Variants in ARHGEF26 observed in about 807,000 individuals in gnomAD.
The protein encoded by ARHGEF26 is Rho guanine nucleotide exchange factor 26, also known as Rho guanine nucleotide exchange factor (GEF) 26.
ARHGEF26 carries 59 observed loss-of-function variants against 89.4 expected under a neutral mutation model. That is an observed-to-expected ratio of 0.66 (90% CI 0.54 to 0.82). The LOEUF (loss-of-function observed/expected upper bound fraction) is 0.82. Among genes scored for constraint, ARHGEF26 ranks in the 40% least tolerant of loss-of-function variants. ARHGEF26 has a pLI of 0.00. For synonymous variants in ARHGEF26, 500 were observed against 428.4 expected (o/e 1.17, Z -2.06); for missense variants, 1,234 against 1,085.6 (o/e 1.14, Z -1.92).
chr3:154,189,191 C>T (rs1036594689), intron 7 of ARHGEF26, among the ~76,000 whole-genome samples: 1 of 152,040 alleles, frequency 6.6e-6, no homozygotes, highest in Non-Finnish European at 1.5e-5. Context: ...TTTTGTTTTG[C>T]AGGATTTAAA....
rs776030783 is a variant in ARHGEF26, at chr3:154,152,789, A to C, written c.1344A>C (p.Ile448=). The change falls in exon 6 of 15, where the codon ATA becomes ATC. Residue 448 remains isoleucine, a synonymous_variant. Transcript: ENST00000465093. ...RKRQEAIFEV[I]SSEHSYLLSL... is the part of the protein sequence containing the mutation. ...CTTACCAGGCTATCTTTGAAGTCAT[A>C]TCCTCTGAACATTCATATTTACTCA... 9.2e-6 allele frequency: 14 copies of C among 1,529,832 alleles called. No individual in the cohort carries two copies. The East Asian group carries it at 3.4e-4, about 37-fold the overall frequency. 94.8% of individuals were successfully genotyped at this position (1,529,832 alleles called of 1,614,324 possible). A position where few individuals can be genotyped will look rare whatever the true frequency, so the allele number is the denominator to read the frequency against.
chr3:154,159,882 T>C (rs1711557249), intron 6 of ARHGEF26, among the ~76,000 whole-genome samples: 1 of 152,134 alleles, frequency 6.6e-6, no homozygotes, highest in Non-Finnish European at 1.5e-5. Context: ...CCAGAGAATA[T>C]GGAACATTTT....
Position 154,199,281 on chromosome 3 carries a change from A to T in ARHGEF26, c.1845+4563A>T, listed in dbSNP as rs183140358. Among the ~76,000 whole-genome samples the T allele has an allele frequency of 6.6e-5, 10 of 152,134 alleles. No homozygotes were observed. In the East Asian group the frequency reaches 1.9e-3, roughly 29 times the overall value. ...ATGTCCATGAGTTCATTTTTAAAAA[A>T]AATTTTTAAATCCCAAAAATGAGAA... On this transcript the variant is annotated intron_variant, in intron 9 of 14. Transcript: ENST00000465093.
chr3:154,180,781 A>G (rs1273910153), intron 6 of ARHGEF26, among the ~76,000 whole-genome samples: 1 of 151,776 alleles, frequency 6.6e-6, no homozygotes, highest in African/African-American at 2.4e-5. Context: ...ATGAGAAGAC[A>G]TATAGTCTGC....
In ARHGEF26 at chr3:154,217,896, C is replaced by T. The variant is rs766974682; in HGVS notation, c.1873C>T (p.Arg625Trp). ...GGTTCGACTATGCAATGAGGGCGCC[C>T]GGAAGATGGAAAGGACTGAGATGAT... is the stretch of plus-strand genomic sequence containing the variant. ...KLVRLCNEGA[R>W]KMERTEMMYT... The change falls in exon 10 of 15, where the codon CGG (arginine) becomes TGG (tryptophan). Residue 625 changes from arginine (R) to tryptophan (W), a missense_variant. By Grantham distance (101) the Arg-to-Trp change is moderately radical. Coordinates refer to ENST00000465093, the MANE Select transcript of ARHGEF26 (RefSeq NM_015595.4). The T allele has an allele frequency of 1.1e-5, 17 of 1,602,492 alleles. No homozygotes were observed. The highest frequency in any genetic ancestry group is 1.4e-5 in the Non-Finnish European group (16 of 1,174,354).
intron 4 of ARHGEF26, 24 bp from the exon 5 acceptor site, chr3:154,149,365 A>G (rs747118001): frequency 6.9e-6 from 11 of 1,586,560 alleles, no homozygotes; most frequent in East Asian, 6.8e-5. Context: ...AAATGAGTCA[A>G]CTCTACTTTG....
At chr3:154,168,685 T>G (rs982132282) in intron 6 of ARHGEF26, among the ~76,000 whole-genome samples, 1 of 152,230 alleles carries the variant, frequency 6.6e-6, no homozygotes, top group Admixed American at 6.5e-5. Context: ...ACCCTTCACC[T>G]TCTGTTGATG....
rs1412284743 is a variant in ARHGEF26 at position 154,257,105 on chromosome 3, T to C, written c.*1632T>C. On this transcript the variant is annotated 3_prime_UTR_variant, in exon 15 of 15. Transcript: ENST00000465093. ...AAATTGTAAAGCTACAGAAGCCCAG[T>C]TGAGGGGTAAGTGTGCCTGGCTCAC... is the stretch of plus-strand genomic sequence containing the variant. 2.5e-5 allele frequency: 30 copies of C among 1,192,058 alleles called. No homozygotes were observed. The highest frequency in any genetic ancestry group is 4.7e-5 in the African/African-American group (3 of 64,004). The allele number at this position is 1,192,058 out of a possible 1,614,324, so 73.8% of individuals were successfully genotyped here.
rs753764468 is a variant in ARHGEF26, at chr3:154,253,123, C to G, written c.2308C>G (p.Arg770Gly). ...ATCTGCCCTCTGTTTTAGGAGCGAGCGAGCCCGCTGGATAACTGCCCTGGG... is the reference window on the plus strand; with the variant it reads ...ATCTGCCCTCTGTTTTAGGAGCGAGGGAGCCCGCTGGATAACTGCCCTGGG... ...MLLGAETQSE[R>G]ARWITALGHS... The change falls in exon 13 of 15, where the codon CGA becomes GGA. Residue 770 changes from arginine to glycine, a missense_variant. Arg to Gly is a moderately radical substitution (Grantham distance 125). Coordinates refer to ENST00000465093, the MANE Select transcript of ARHGEF26 (RefSeq NM_015595.4). 1.9e-6 allele frequency: 3 copies of G among 1,613,916 alleles called. No individual in the cohort carries two copies. The highest frequency in any genetic ancestry group is 2.5e-6 in the Non-Finnish European group (3 of 1,179,842).
intron 7 of ARHGEF26, among the ~76,000 whole-genome samples, chr3:154,188,314 GTAGT>G (rs2108179398): frequency 6.6e-6 from 1 of 152,292 alleles, no homozygotes; most frequent in South Asian, 2.1e-4. Context: ...CCCCACTTGG[GTAGT>G]TAGAGTTGAA....
intron 6 of ARHGEF26, among the ~76,000 whole-genome samples, chr3:154,183,768 G>A (rs1217246601): frequency 6.6e-6 from 1 of 152,042 alleles, no homozygotes; most frequent in Non-Finnish European, 1.5e-5. Context: ...TTTTAATATC[G>A]TACTTTGGCA....
At position 154,255,924 on chromosome 3, in the gene ARHGEF26, CCTTT is replaced by C. The variant is rs1443221066; in HGVS notation, c.*452_*455del. ...GTCCAGTTTTGTAAATATTTCCCTG[CCTTT>C]TTTTTTCTTTTTTTACATCTGATTT... On this transcript the variant is annotated 3_prime_UTR_variant, in exon 15 of 15. Transcript: ENST00000465093. 16 of 987,338 alleles carry C rather than the reference CCTTT, an allele frequency of 1.6e-5. No individual in the cohort carries two copies. Among genetic ancestry groups the C allele is most frequent in the Non-Finnish European group, 1.8e-5 (15 of 831,270 alleles). 61.2% of individuals were successfully genotyped at this position (987,338 alleles called of 1,614,324 possible).
chr3:154,226,252 A>G (rs1198759839), intron 11 of ARHGEF26, among the ~76,000 whole-genome samples: 6 of 152,194 alleles, frequency 3.9e-5, no homozygotes. Flanking sequence ...AGCATTTTAC[A>G]CATTTATATC....
chr3:154,237,371 G>T lies in ARHGEF26; in HGVS notation c.2091-2999G>T, dbSNP rs1717179695. 2.6e-5 allele frequency among the ~76,000 whole-genome samples: 4 copies of T among 151,998 alleles called. No individual in the cohort carries two copies. In the South Asian group the frequency reaches 8.3e-4, roughly 32 times the overall value. On this transcript the variant is annotated intron_variant, in intron 11 of 14. Transcript: ENST00000465093. ...AGCATGGCCAACATGGTGAAACCCTGTCTCTACTAAAAATACAAAAATTAA... is the reference window on the plus strand; with the variant it reads ...AGCATGGCCAACATGGTGAAACCCTTTCTCTACTAAAAATACAAAAATTAA...
chr3:154,141,551 A>C (rs1332733276), intron 4 of ARHGEF26, among the ~76,000 whole-genome samples: 2 of 152,194 alleles, frequency 1.3e-5, no homozygotes, highest in Non-Finnish European at 2.9e-5. Context: ...GGTCCATGGA[A>C]GTGTTAAACG....
intron 9 of ARHGEF26, among the ~76,000 whole-genome samples, chr3:154,200,081 A>C (rs528267839): frequency 1.3e-5 from 2 of 151,868 alleles, no homozygotes; most frequent in East Asian, 3.9e-4. Context: ...CCATTTGTCC[A>C]TTTTTGCTTT....
At position 154,124,390 on chromosome 3, in the gene ARHGEF26, T is replaced by G. The variant is rs768318638; in HGVS notation, c.1084-20T>G. ...GCTTTTCCTTTTTTTTTTTTTTTTT[T>G]ACTTTTTTTTGTCTCTTAGAAAAAA... On this transcript the variant is annotated intron_variant, in intron 2 of 14. Coordinates refer to ENST00000465093, the MANE Select transcript of ARHGEF26 (RefSeq NM_015595.4). 7.4e-7 allele frequency: 1 copy of G among 1,352,198 alleles called. No individual in the cohort carries two copies. The highest frequency in any genetic ancestry group is 1.5e-5 in the South Asian group (1 of 67,028). The allele number at this position is 1,352,198 out of a possible 1,614,324, so 83.8% of individuals were successfully genotyped here.
intron 6 of ARHGEF26, among the ~76,000 whole-genome samples, 162 bp downstream of exon 6, chr3:154,153,094 A>G (rs1470663): frequency 0.91 from 138,188 of 152,208 alleles, 62,946 homozygotes; most frequent in East Asian, 1. Flanking sequence ...AAGTTTGGTG[A>G]ATAGACAGAT....
At chr3:154,176,422 A>G (rs1326942517) in intron 6 of ARHGEF26, among the ~76,000 whole-genome samples, 1 of 152,260 alleles carries the variant, frequency 6.6e-6, no homozygotes, top group African/African-American at 2.4e-5. Flanking sequence ...AGGTAACACT[A>G]GAAAATGACA....
Sources: gnomAD v4.1 joint callset for allele counts (sites outside exome capture counted in the v4.1 genomes callset) on GRCh38, gnomAD v4.1.1 for gene constraint, MANE v1.5 for transcripts, NCBI Gene and HGNC (gene_info 2026-07-23, HGNC 2026-07-21) for gene names.